KCNK2: variants seen among roughly 807,000 people sequenced by gnomAD.
The protein encoded by KCNK2 is potassium channel subfamily K member 2.
KCNK2 carries 21 observed loss-of-function variants against 40.5 expected under a neutral mutation model. The ratio of observed to expected loss-of-function variants is 0.52; its 90% confidence interval spans 0.37 to 0.75. The LOEUF (loss-of-function observed/expected upper bound fraction) is 0.75. Among genes scored for constraint, KCNK2 ranks in the 30% least tolerant of loss-of-function variants. The probability of loss-of-function intolerance (pLI) is 0.00; values close to 1 mark genes in which losing one functional copy is unlikely to be tolerated. For missense variants in KCNK2, 399 were observed against 531.6 expected (o/e 0.75, Z 2.45); for synonymous variants, 191 against 202.2 (o/e 0.94, Z 0.47).
chr1:215,063,473 A>G (rs1423430065), intron 1 of KCNK2, among the ~76,000 whole-genome samples: 1 of 152,172 alleles, frequency 6.6e-6, no homozygotes, highest in Admixed American at 6.5e-5. Context: ...ATCTCCATGA[A>G]TGCTTGCATT....
intron 1 of KCNK2, among the ~76,000 whole-genome samples, chr1:215,052,474 G>A (rs1658024557): frequency 6.6e-6 from 1 of 152,106 alleles, no homozygotes; most frequent in Non-Finnish European, 1.5e-5. Context: ...GATAAACATT[G>A]GAATTTCAGC....
chr1:215,208,777 G>T (rs528539955), intron 6 of KCNK2, among the ~76,000 whole-genome samples: 1 of 151,838 alleles, frequency 6.6e-6, no homozygotes, highest in African/African-American at 2.4e-5. Flanking sequence ...AATTTCTCAC[G>T]AATGTCAAAG....
At chr1:215,096,204 G>T (rs1659969899) in intron 2 of KCNK2, among the ~76,000 whole-genome samples, 1 of 151,722 alleles carries the variant, frequency 6.6e-6, no homozygotes, top group Non-Finnish European at 1.5e-5. Context: ...AGGTGTGTGT[G>T]TGTGAACATA....
intron 3 of KCNK2, among the ~76,000 whole-genome samples, chr1:215,164,413 C>T (rs2102628378): frequency 6.6e-6 from 1 of 152,186 alleles, no homozygotes; most frequent in Non-Finnish European, 1.5e-5. Flanking sequence ...GTCTCTATCT[C>T]CCTCAGTTCT....
intron 1 of KCNK2, among the ~76,000 whole-genome samples, chr1:215,014,053 A>G (rs1403237978): frequency 1.3e-5 from 2 of 152,114 alleles, no homozygotes; most frequent in Non-Finnish European, 2.9e-5. Flanking sequence ...TTTTTTAAAT[A>G]GATACTCTTT....
At chr1:215,031,649 G>A (rs201778631) in intron 1 of KCNK2, among the ~76,000 whole-genome samples, 1 of 86,768 alleles carries the variant, frequency 1.2e-5, no homozygotes, top group African/African-American at 2.9e-5. Flanking sequence ...AAATATTTCA[G>A]TCCAAAGATT....
intron 1 of KCNK2, among the ~76,000 whole-genome samples, chr1:215,035,275 T>C (rs776338944): frequency 6.6e-6 from 1 of 152,146 alleles, no homozygotes; most frequent in Non-Finnish European, 1.5e-5. Context: ...TGGTTAATTT[T>C]TATAAGTTTG....
At chr1:215,184,728 C>T (rs569989101) in intron 5 of KCNK2, among the ~76,000 whole-genome samples, 1 of 152,234 alleles carries the variant, frequency 6.6e-6, no homozygotes, top group Non-Finnish European at 1.5e-5. Flanking sequence ...AATTACCTCC[C>T]ATAGGGTCCC....
chr1:215,199,793 C>G (rs911545810), intron 6 of KCNK2, among the ~76,000 whole-genome samples: 1 of 152,152 alleles, frequency 6.6e-6, no homozygotes, highest in Non-Finnish European at 1.5e-5. Context: ...GATGTGACCA[C>G]AAGACTCAGA....
chr1:215,007,027 A>ATGTGTGTGTGTGTG (rs1398954474), intron 1 of KCNK2, among the ~76,000 whole-genome samples: 1 of 56,152 alleles, frequency 1.8e-5, no homozygotes, highest in Non-Finnish European at 4.2e-5. Flanking sequence ...ATATATATAT[A>ATGTGTGTGTGTGTG]TATATATATA....
chr1:215,016,167 A>G (rs1656578665), intron 1 of KCNK2, among the ~76,000 whole-genome samples: 1 of 152,194 alleles, frequency 6.6e-6, no homozygotes, highest in Non-Finnish European at 1.5e-5. Context: ...ACAAAACTCA[A>G]TTAACAGGTT....
chr1:215,227,593 T>G (rs1466711804), intron 6 of KCNK2, among the ~76,000 whole-genome samples: 1 of 152,108 alleles, frequency 6.6e-6, no homozygotes, highest in African/African-American at 2.4e-5. Flanking sequence ...CATCAATTGG[T>G]TTTATGCAGG....
rs1197353873 is a variant in KCNK2, at chr1:215,086,711, C to T, written c.357+33C>T. The T allele has an allele frequency of 1.9e-6, 3 of 1,577,958 alleles. No homozygotes were observed. The African/African-American group carries it at 4.0e-5, about 21-fold the overall frequency. On this transcript the variant is annotated intron_variant, in intron 2 of 6. Coordinates refer to ENST00000444842, the MANE Select transcript of KCNK2 (RefSeq NM_001017425.3). ...CATGGGAGGAGTTGTTACTCTGTTC[C>T]CCCAAATGGGAAATAAAGTGATAGG...
chr1:215,186,380 C>T (rs774010620), intron 5 of KCNK2, among the ~76,000 whole-genome samples: 6 of 151,826 alleles, frequency 4.0e-5, no homozygotes, highest in African/African-American at 7.3e-5. Flanking sequence ...GGCAACAGGG[C>T]GAGGCCCCAT....
intron 2 of KCNK2, among the ~76,000 whole-genome samples, chr1:215,112,027 A>G (rs1360283808): frequency 6.6e-6 from 1 of 151,654 alleles, no homozygotes. Context: ...AGGGGCTTGT[A>G]ATCTCTTGCT....
chr1:215,021,424 ATCTGCCCTTACCCAAGG>A (rs1167035725), intron 1 of KCNK2, among the ~76,000 whole-genome samples: 20 of 51,590 alleles, frequency 3.9e-4, no homozygotes, highest in Non-Finnish European at 1.2e-3. Flanking sequence ...AGTAAGGAAG[ATCTGCCCTTACCCAAGG>A]TGGGCAGGCA....
At chr1:215,063,702 G>A (rs1429339686) in intron 1 of KCNK2, among the ~76,000 whole-genome samples, 1 of 152,172 alleles carries the variant, frequency 6.6e-6, no homozygotes, top group Non-Finnish European at 1.5e-5. Flanking sequence ...TGGCATGAGA[G>A]CAGGTCTCTT....
chr1:215,210,003 T>TTTTATGTAA (rs1424161291), intron 6 of KCNK2, among the ~76,000 whole-genome samples: 1 of 67,918 alleles, frequency 1.5e-5, no homozygotes, highest in Non-Finnish European at 2.5e-5. Flanking sequence ...ATAATATATA[T>TTTTATGTAA]TATATATAAT....
chr1:215,032,576 A>G (rs573194305), intron 1 of KCNK2, among the ~76,000 whole-genome samples: 4 of 152,216 alleles, frequency 2.6e-5, no homozygotes, highest in African/African-American at 9.6e-5. Context: ...AGGTCAACTA[A>G]CAACAGATTT....
Sources: allele counts gnomAD v4.1 joint callset (sites outside exome capture counted in the v4.1 genomes callset), GRCh38; gene constraint gnomAD v4.1.1; transcripts MANE v1.5; gene names NCBI Gene and HGNC (gene_info 2026-07-23, HGNC 2026-07-21).